LBH: variants seen among roughly 807,000 people sequenced by gnomAD.
LBH encodes protein LBH.
A neutral mutation model predicts 12.5 loss-of-function variants in LBH; 7 were observed. That is an observed-to-expected ratio of 0.56 (90% CI 0.32 to 1.05). LBH has a LOEUF of 1.05. Ranked by LOEUF, LBH falls within the 50% of genes least tolerant of loss-of-function variation. The probability of loss-of-function intolerance (pLI) is 0.04; values close to 1 mark genes in which losing one functional copy is unlikely to be tolerated. For synonymous variants in LBH, 51 were observed against 50.1 expected (o/e 1.02, Z -0.08); for missense variants, 119 against 138.9 (o/e 0.86, Z 0.72).
chr2:30,249,504 AAGG>A (rs914519082), intron 2 of LBH, among the ~76,000 whole-genome samples: 1 of 152,180 alleles, frequency 6.6e-6, no homozygotes, highest in African/African-American at 2.4e-5. Flanking sequence ...GAGTAAGTGA[AAGG>A]AGGAGGTAGA....
intron 2 of LBH, among the ~76,000 whole-genome samples, chr2:30,243,938 A>G (rs943437485): frequency 6.6e-6 from 1 of 152,206 alleles, no homozygotes; most frequent in Non-Finnish European, 1.5e-5. Flanking sequence ...TGCAACACGT[A>G]GACAGCCCAG....
rs200272047 is a variant in LBH, at chr2:30,234,485, G to T, written c.107G>T (p.Arg36Leu). Residue 36 changes from arginine (R) to leucine (L), a missense_variant, in exon 2 of 3, where the codon CGC (arginine) becomes CTC (leucine). Arg to Leu is a moderately radical substitution (Grantham distance 102). Transcript: ENST00000395323. ...QPMEEIGLSP[R>L]KDGLSYQIFP... Reference sequence around the variant, plus strand: ...ATGGAGGAGATCGGCCTCAGCCCCCGCAAGGATGGCCTTTCCTACCAGGTG... The same window carrying T: ...ATGGAGGAGATCGGCCTCAGCCCCCTCAAGGATGGCCTTTCCTACCAGGTG... 6.2e-7 allele frequency: 1 copy of T among 1,613,788 alleles called. No homozygotes were observed. Among genetic ancestry groups the T allele is most frequent in the Admixed American group, 1.7e-5 (1 of 60,022 alleles).
rs1484252226 is a variant in LBH, at chr2:30,258,754, G to A, written c.*1133G>A. On this transcript the variant is annotated 3_prime_UTR_variant, in exon 3 of 3. Coordinates refer to ENST00000395323, the MANE Select transcript of LBH (RefSeq NM_030915.4). ...GGCTTTTTATGTGTCTTGTTGGGGA[G>A]GTGACTTGCATGGTGGGGACAAGGC... The A allele has an allele frequency of 6.6e-6, 1 of 152,392 alleles. No individual in the cohort carries two copies. The highest frequency in any genetic ancestry group is 2.4e-5 in the African/African-American group (1 of 41,440). 9.4% of individuals were successfully genotyped at this position (152,392 alleles called of 1,614,324 possible). A position where few individuals can be genotyped will look rare whatever the true frequency, so the allele number is the denominator to read the frequency against.
chr2:30,233,978 T>C (rs1677637271), intron 1 of LBH, among the ~76,000 whole-genome samples: 1 of 152,248 alleles, frequency 6.6e-6, no homozygotes, highest in Non-Finnish European at 1.5e-5. Context: ...AGAGTTCCCC[T>C]TTGGAAAGTT....
In LBH at chr2:30,237,912, A is replaced by C. The variant is rs115944326; in HGVS notation, c.129+3405A>C. Among the ~76,000 whole-genome samples the C allele has an allele frequency of 3.6e-3, 550 of 152,284 alleles. 5 individuals carry two copies. The highest frequency in any genetic ancestry group is 0.013 in the African/African-American group (533 of 41,548). On this transcript the variant is annotated intron_variant, in intron 2 of 2. Transcript: ENST00000395323. Reference sequence around the variant, plus strand: ...GGCAGGCAGGCTGTGGGTGGCGGCCAGCTCACCAGCTGAGTGGGGAGGGTC... The same window carrying C: ...GGCAGGCAGGCTGTGGGTGGCGGCCCGCTCACCAGCTGAGTGGGGAGGGTC...
intron 2 of LBH, among the ~76,000 whole-genome samples, chr2:30,252,578 C>T (rs369040684): frequency 3.2e-4 from 49 of 152,168 alleles, no homozygotes; most frequent in Middle Eastern, 3.4e-3. Context: ...AGGAGAATGG[C>T]GTGAACCCAG....
intron 2 of LBH, among the ~76,000 whole-genome samples, chr2:30,252,661 CAA>C (rs563770027): frequency 3.8e-5 from 5 of 131,784 alleles, no homozygotes; most frequent in African/African-American, 1.1e-4. Context: ...GACTCCGTCT[CAA>C]AAAAAAAAAA....
chr2:30,241,516 A>G (rs1362506570), intron 2 of LBH, among the ~76,000 whole-genome samples: 2 of 145,850 alleles, frequency 1.4e-5, no homozygotes, highest in South Asian at 2.1e-4. Flanking sequence ...CTGAAGTGCA[A>G]TGGTGCGATC....
intron 2 of LBH, among the ~76,000 whole-genome samples, chr2:30,255,147 C>T (rs949424199): frequency 6.6e-6 from 1 of 152,262 alleles, no homozygotes; most frequent in African/African-American, 2.4e-5. Context: ...GAAAGAGCTT[C>T]GTGACCTGTA....
rs144226355 is a variant in LBH at position 30,235,039 on chromosome 2, T to C, written c.129+532T>C. ...CATTCAAACCACTTAGAGAGGAAGA[T>C]ATTTTCCCCAAAGGGAGGCTAGCTC... On this transcript the variant is annotated intron_variant, in intron 2 of 2. Coordinates refer to ENST00000395323, the MANE Select transcript of LBH (RefSeq NM_030915.4). Among the ~76,000 whole-genome samples the C allele has an allele frequency of 4.4e-3, 667 of 152,284 alleles. 6 individuals are homozygous for C. Among genetic ancestry groups the C allele is most frequent in the African/African-American group, 0.015 (636 of 41,532 alleles).
At chr2:30,254,835 T>G (rs1429383368) in intron 2 of LBH, among the ~76,000 whole-genome samples, 3 of 152,230 alleles carry the variant, frequency 2.0e-5, no homozygotes, top group African/African-American at 7.2e-5. Flanking sequence ...TGACAGCTTA[T>G]GGCGCTGTCT....
intron 2 of LBH, among the ~76,000 whole-genome samples, chr2:30,243,534 T>TC (rs1460204155): frequency 6.8e-6 from 1 of 147,824 alleles, no homozygotes; most frequent in East Asian, 2.0e-4. Flanking sequence ...TCTTTTTTTT[T>TC]TTTTTTTTTT....
intron 2 of LBH, among the ~76,000 whole-genome samples, chr2:30,246,922 A>G (rs1677882208): frequency 6.6e-6 from 1 of 151,578 alleles, no homozygotes; most frequent in African/African-American, 2.4e-5. Context: ...CCTGGACTCA[A>G]GTGATCCTCC....
chr2:30,234,397 C>T lies in LBH; in HGVS notation c.27-8C>T, dbSNP rs1209877454. On this transcript the variant is annotated splice_polypyrimidine_tract_variant and splice_region_variant and intron_variant, in intron 1 of 2. Coordinates refer to ENST00000395323, the MANE Select transcript of LBH (RefSeq NM_030915.4). ...GTTTGTTGACTTTTGGTCTGGGTTT[C>T]TTGGCAGCCCCGACTATCTGAGATC... is the stretch of plus-strand genomic sequence containing the variant. 6.2e-7 allele frequency: 1 copy of T among 1,612,952 alleles called. No homozygotes were observed. The highest frequency in any genetic ancestry group is 1.1e-5 in the South Asian group (1 of 91,056).
At chr2:30,253,170 T>C (rs1678015978) in intron 2 of LBH, among the ~76,000 whole-genome samples, 1 of 152,160 alleles carries the variant, frequency 6.6e-6, no homozygotes, top group South Asian at 2.1e-4. Context: ...ACCCGTCAAA[T>C]TGCAGTTGCA....
intron 2 of LBH, among the ~76,000 whole-genome samples, chr2:30,254,450 T>C (rs1249186703): frequency 6.6e-6 from 1 of 152,308 alleles, no homozygotes; most frequent in African/African-American, 2.4e-5. Context: ...CTAGAATTAT[T>C]GTGAGGTTTG....
chr2:30,242,827 T>C (rs1677812754), intron 2 of LBH, among the ~76,000 whole-genome samples: 1 of 152,228 alleles, frequency 6.6e-6, no homozygotes, highest in Non-Finnish European at 1.5e-5. Flanking sequence ...TATTATGTTC[T>C]TACAAAGAAC....
chr2:30,249,919 G>T (rs181160383), intron 2 of LBH, among the ~76,000 whole-genome samples: 3 of 152,202 alleles, frequency 2.0e-5, no homozygotes, highest in African/African-American at 7.2e-5. Context: ...ATAGGCCACC[G>T]CTTCGATGAG....
rs3738864 is a variant in LBH, at chr2:30,234,387, G to A, written c.27-18G>A. ...AAGCGCGTGTGTTTGTTGACTTTTG[G>A]TCTGGGTTTCTTGGCAGCCCCGACT... is the stretch of plus-strand genomic sequence containing the variant. On this transcript the variant is annotated intron_variant, in intron 1 of 2. Coordinates refer to ENST00000395323, the MANE Select transcript of LBH (RefSeq NM_030915.4). The A allele has an allele frequency of 2.6e-4, 421 of 1,604,818 alleles. 5 individuals carry two copies. The East Asian group carries it at 8.5e-3, about 33-fold the overall frequency.
Sources: gnomAD v4.1 joint callset for allele counts (sites outside exome capture counted in the v4.1 genomes callset) on GRCh38, gnomAD v4.1.1 for gene constraint, MANE v1.5 for transcripts, NCBI Gene and HGNC (gene_info 2026-07-23, HGNC 2026-07-21) for gene names.